The following SENP6 variants were observed in gnomAD, a reference collection of about 807,000 sequenced individuals.
SENP6 encodes sentrin-specific protease 6.
SENP6 carries 41 observed loss-of-function variants against 134.5 expected under a neutral mutation model. That is an observed-to-expected ratio of 0.30 (90% confidence interval 0.24 to 0.40). The LOEUF (loss-of-function observed/expected upper bound fraction) is 0.40. SENP6 is among the 10% of genes least tolerant of loss of function. The probability of loss-of-function intolerance (pLI) is 1.00; values close to 1 mark genes in which losing one functional copy is unlikely to be tolerated. For synonymous variants in SENP6, 395 were observed against 429.8 expected (o/e 0.92, Z 1.00); for missense variants, 1,248 against 1,312.5 (o/e 0.95, Z 0.76).
chr6:75,609,425 A>G (rs892937050), intron 1 of SENP6, among the ~76,000 whole-genome samples: 2 of 152,230 alleles, frequency 1.3e-5, no homozygotes, highest in African/African-American at 2.4e-5. Context: ...CGTCTTCCAC[A>G]TTGTATTGGC....
intron 5 of SENP6, among the ~76,000 whole-genome samples, chr6:75,638,610 ATATATATATATATTTTT>A (rs1458615908): frequency 6.1e-5 from 3 of 48,866 alleles, no homozygotes; most frequent in Non-Finnish European, 1.1e-4. Context: ...ATATATATAT[ATATATATATATATTTTT>A]TTTTTTTTTT....
At chr6:75,604,507 C>A (rs1048168892) in intron 1 of SENP6, among the ~76,000 whole-genome samples, 1 of 151,736 alleles carries the variant, frequency 6.6e-6, no homozygotes, top group Non-Finnish European at 1.5e-5. Flanking sequence ...TGGCGCGCGC[C>A]TGTAGTCCCA....
intron 4 of SENP6, 105 bp from the exon 5 acceptor site, chr6:75,634,602 T>C: frequency 1.7e-6 from 1 of 573,088 alleles, no homozygotes; most frequent in Non-Finnish European, 2.9e-6. Context: ...TTGTTGTTGT[T>C]GGTAAAGGTT....
At chr6:75,642,417 A>T (rs1404734111) in intron 6 of SENP6, among the ~76,000 whole-genome samples, 1 of 152,236 alleles carries the variant, frequency 6.6e-6, no homozygotes, top group Non-Finnish European at 1.5e-5. Context: ...ATTTAACTAA[A>T]GACTAAATGG....
Position 75,643,765 on chromosome 6 carries a change from A to G in SENP6, c.479+3061A>G, listed in dbSNP as rs72654726. On this transcript the variant is annotated intron_variant, in intron 6 of 23. Coordinates refer to ENST00000447266, the MANE Select transcript of SENP6 (RefSeq NM_015571.4). ...ATACAATTGTGGGAGACTTTAATAC[A>G]TCTTGAAAATTAAACTGGTTTATCA... Among the ~76,000 whole-genome samples, 77 of 152,342 alleles carry G rather than the reference A, an allele frequency of 5.1e-4. No homozygotes were observed. The East Asian group carries it at 0.015, about 29-fold the overall frequency.
chr6:75,648,750 C>T (rs1327030295), intron 7 of SENP6, among the ~76,000 whole-genome samples: 1 of 152,190 alleles, frequency 6.6e-6, no homozygotes, highest in African/African-American at 2.4e-5. Context: ...GTTTATTGAG[C>T]TCTTACTCTG....
chr6:75,711,179 A>T, intron 20 of SENP6, 149 bp from the exon 21 acceptor site: 1 of 530,852 alleles, frequency 1.9e-6, no homozygotes, highest in Non-Finnish European at 3.4e-6. Flanking sequence ...ATTAAGTAAC[A>T]TACCACATCT....
intron 1 of SENP6, among the ~76,000 whole-genome samples, chr6:75,616,256 A>G (rs780997194): frequency 2.6e-5 from 4 of 152,218 alleles, no homozygotes; most frequent in African/African-American, 7.2e-5. Context: ...ACAAAGGTCA[A>G]CCATAACAAG....
chr6:75,712,502 C>T (rs745811724), intron 21 of SENP6, among the ~76,000 whole-genome samples: 2 of 151,448 alleles, frequency 1.3e-5, no homozygotes, highest in African/African-American at 2.4e-5. Context: ...CACAGTGAGA[C>T]GCCATCTCTG....
chr6:75,694,962 C>A (rs1437802433), intron 16 of SENP6, among the ~76,000 whole-genome samples: 2 of 151,796 alleles, frequency 1.3e-5, no homozygotes, highest in Non-Finnish European at 2.9e-5. Context: ...GCAACCTCTG[C>A]CTCATAGGTT....
chr6:75,714,818 C>A lies in SENP6; in HGVS notation c.3130-567C>A, dbSNP rs73458807. 1.6e-3 allele frequency among the ~76,000 whole-genome samples: 251 copies of A among 152,266 alleles called. 2 individuals are homozygous for A. The highest frequency in any genetic ancestry group is 5.9e-3 in the African/African-American group (244 of 41,548). On this transcript the variant is annotated intron_variant, in intron 23 of 23. Transcript: ENST00000447266. ...ATACTTTTTTGTTGCTTCTATTATA[C>A]CTTGTCTGTCTAACATGTATTCATT...
At chr6:75,634,621 T>A (rs1267031761) in intron 4 of SENP6, 86 bp from the exon 5 acceptor site, 1 of 677,016 alleles carries the variant, frequency 1.5e-6, no homozygotes, top group Non-Finnish European at 2.4e-6. Context: ...TTTTTGTGTG[T>A]TTGTTCAGAT....
At chr6:75,647,421 T>A (rs1003565747) in intron 6 of SENP6, 23 of 214,274 alleles carry the variant, frequency 1.1e-4, no homozygotes, top group Admixed American at 2.8e-4. Context: ...GACTAAATAC[T>A]TGTTCCACGA....
At chr6:75,638,707 G>A (rs1209252115) in intron 5 of SENP6, among the ~76,000 whole-genome samples, 1 of 136,970 alleles carries the variant, frequency 7.3e-6, no homozygotes, top group Non-Finnish European at 1.5e-5. Context: ...TACCTAACCC[G>A]TTTCTTCTAC....
rs539480966 is a variant in SENP6, at chr6:75,706,438, T to G, written c.2717-3089T>G. Among the ~76,000 whole-genome samples, 113 of 152,294 alleles carry G rather than the reference T, an allele frequency of 7.4e-4. 1 individual carries two copies. The highest frequency in any genetic ancestry group is 1.3e-3 in the Non-Finnish European group (88 of 68,026). On this transcript the variant is annotated intron_variant, in intron 19 of 23. Coordinates refer to ENST00000447266, the MANE Select transcript of SENP6 (RefSeq NM_015571.4). ...TTCAAATGAATTAAGGTACTTGACTTAAAGCAATGGGACAAAAGCCTAGGG... is the reference window on the plus strand; with the variant it reads ...TTCAAATGAATTAAGGTACTTGACTGAAAGCAATGGGACAAAAGCCTAGGG...
intron 7 of SENP6, among the ~76,000 whole-genome samples, chr6:75,652,797 A>T (rs1771002045): frequency 6.6e-6 from 1 of 151,686 alleles, no homozygotes; most frequent in Admixed American, 6.6e-5. Flanking sequence ...CAGCAACATT[A>T]GATTATTATC....
At chr6:75,617,303 C>T (rs1415276452) in intron 1 of SENP6, among the ~76,000 whole-genome samples, 3 of 71,516 alleles carry the variant, frequency 4.2e-5, no homozygotes, top group Non-Finnish European at 5.3e-5. Context: ...GACGGAGTTT[C>T]GCTCTTGTTG....
In SENP6 at chr6:75,634,725, G is replaced by A. The variant is rs747260741; in HGVS notation, c.372G>A (p.Thr124=). The A allele has an allele frequency of 1.6e-5, 26 of 1,577,678 alleles. No individual in the cohort carries two copies. The highest frequency in any genetic ancestry group is 2.1e-5 in the Admixed American group (1 of 48,076). The change falls in exon 5 of 24, where the codon ACG becomes ACA. Residue 124 remains threonine (T), a synonymous_variant. Coordinates refer to ENST00000447266, the MANE Select transcript of SENP6 (RefSeq NM_015571.4). The part of the protein sequence containing the change: ...NKKLSENTQN[T]SLCSGTVVHG... Reference sequence around the variant, plus strand: ...TCTGCAGTGAAAATACGCAAAATACGTCATTATGTTCTGGAACTGTAGTTC... The same window carrying A: ...TCTGCAGTGAAAATACGCAAAATACATCATTATGTTCTGGAACTGTAGTTC...
chr6:75,645,706 T>A lies in SENP6; in HGVS notation c.480-2025T>A, dbSNP rs1390956579. Among the ~76,000 whole-genome samples, 5 of 152,310 alleles carry A rather than the reference T, an allele frequency of 3.3e-5. No homozygotes were observed. The East Asian group carries it at 7.7e-4, about 23-fold the overall frequency. On this transcript the variant is annotated intron_variant, in intron 6 of 23. Transcript: ENST00000447266. ...ACTGAATTTTGGAGAAAATAATATA[T>A]GGCTAGGTAGTTTATCAAACATTTT...
Sources: gnomAD v4.1 joint callset for allele counts (sites outside exome capture counted in the v4.1 genomes callset) on GRCh38, gnomAD v4.1.1 for gene constraint, MANE v1.5 for transcripts, NCBI Gene and HGNC (gene_info 2026-07-23, HGNC 2026-07-21) for gene names.